FOCAD: variants seen among roughly 807,000 people sequenced by gnomAD.
FOCAD encodes the protein KIAA1797.
In FOCAD, 198 loss-of-function variants were observed where a neutral mutation model predicts 225.6. The ratio of observed to expected loss-of-function variants is 0.88; its 90% CI spans 0.78 to 0.99. FOCAD has a LOEUF of 0.99. FOCAD is among the 50% of genes least tolerant of loss of function. FOCAD has a pLI of 0.00. For synonymous variants in FOCAD, 897 were observed against 755.0 expected, an observed-to-expected ratio of 1.19 and a Z score of -3.08; for missense variants, 2,713 against 2,123.6, an observed-to-expected ratio of 1.28 and a Z score of -5.46.
At position 20,907,113 on chromosome 9, in the gene FOCAD, G is replaced by A. The variant is rs563743337; in HGVS notation, c.2626-37G>A. On this transcript the variant is annotated intron_variant, in intron 21 of 43. Coordinates refer to ENST00000338382, the MANE Select transcript of FOCAD (RefSeq NM_001375567.1). ...TTTAATTTTATTCTTTTTTAATACT[G>A]TGTAGCCTAATATGTTGTGGTACAT... 3 of 1,454,054 alleles carry A rather than the reference G, an allele frequency of 2.1e-6. No individual in the cohort carries two copies. In the South Asian group the frequency reaches 3.4e-5, roughly 17 times the overall value. 90.1% of individuals were successfully genotyped at this position (1,454,054 alleles called of 1,614,324 possible). A position where few individuals can be genotyped will look rare whatever the true frequency, so the allele number is the denominator to read the frequency against.
At chr9:20,947,779 CAGA>C (rs1420004875) in intron 30 of FOCAD, among the ~76,000 whole-genome samples, 1 of 152,060 alleles carries the variant, frequency 6.6e-6, no homozygotes, top group Non-Finnish European at 1.5e-5. Context: ...TGGGTTATTG[CAGA>C]ATTCATTGGT....
intron 3 of FOCAD, among the ~76,000 whole-genome samples, chr9:20,718,576 A>G (rs1238863026): frequency 1.3e-5 from 2 of 152,186 alleles, no homozygotes; most frequent in African/African-American, 2.4e-5. Flanking sequence ...GCTCCAAGTT[A>G]CATTTCTTTA....
intron 43 of FOCAD, among the ~76,000 whole-genome samples, chr9:20,995,006 C>T (rs1198139972): frequency 6.6e-6 from 1 of 151,852 alleles, no homozygotes. Flanking sequence ...AAAGGAAGTA[C>T]ACAGAACTTC....
chr9:20,874,513 C>G, intron 18 of FOCAD, 168 bp from the exon 19 acceptor site: 1 of 616,998 alleles, frequency 1.6e-6, no homozygotes, highest in Non-Finnish European at 2.7e-6. Flanking sequence ...TTTAGTTAAT[C>G]TAAAAAATGA....
intron 24 of FOCAD, among the ~76,000 whole-genome samples, chr9:20,921,094 TA>T (rs1353970062): frequency 5.9e-5 from 9 of 152,064 alleles, no homozygotes; most frequent in Admixed American, 2.0e-4. Flanking sequence ...GCTTCAGGGA[TA>T]GGGGTAAGGG....
chr9:20,911,059 A>G (rs1450963123), intron 22 of FOCAD, among the ~76,000 whole-genome samples: 1 of 152,092 alleles, frequency 6.6e-6, no homozygotes, highest in African/African-American at 2.4e-5. Context: ...CATTATAGGA[A>G]ATGTTTTAGG....
At chr9:20,972,740 C>T (rs1398151117) in intron 35 of FOCAD, among the ~76,000 whole-genome samples, 1 of 152,176 alleles carries the variant, frequency 6.6e-6, no homozygotes, top group Non-Finnish European at 1.5e-5. Flanking sequence ...GCTGATTCCA[C>T]ATAGCTTCTC....
chr9:20,702,170 A>G (rs555108148), intron 1 of FOCAD, among the ~76,000 whole-genome samples: 1 of 152,160 alleles, frequency 6.6e-6, no homozygotes, highest in Non-Finnish European at 1.5e-5. Flanking sequence ...TGGCATGATA[A>G]TAGCTCACTG....
At chr9:20,934,807 T>G (rs1441938150) in intron 28 of FOCAD, among the ~76,000 whole-genome samples, 1 of 152,152 alleles carries the variant, frequency 6.6e-6, no homozygotes, top group East Asian at 1.9e-4. Context: ...TCAGTAGCTC[T>G]TCTATATACC....
At chr9:20,758,871 C>G (rs199883712) in intron 6 of FOCAD, among the ~76,000 whole-genome samples, 1 of 152,118 alleles carries the variant, frequency 6.6e-6, no homozygotes, top group Admixed American at 6.6e-5. Context: ...GAAAACCCCA[C>G]TGACTCAGCC....
upstream of FOCAD, among the ~76,000 whole-genome samples, chr9:20,683,094 G>A (rs762513190): frequency 7.2e-5 from 11 of 152,066 alleles, no homozygotes; most frequent in Non-Finnish European, 1.6e-4. Context: ...ATTCTTAGAG[G>A]GTGAATGCAT....
chr9:20,694,228 T>C (rs1167808779), intron 1 of FOCAD, among the ~76,000 whole-genome samples: 1 of 152,160 alleles, frequency 6.6e-6, no homozygotes, highest in African/African-American at 2.4e-5. Flanking sequence ...GGCAGAAAAT[T>C]TTCAAACCTT....
At chr9:20,878,572 G>T (rs569151661) in intron 19 of FOCAD, among the ~76,000 whole-genome samples, 3 of 152,228 alleles carry the variant, frequency 2.0e-5, no homozygotes, top group Non-Finnish European at 4.4e-5. Context: ...CCACTCTGTT[G>T]TAAGGAATAT....
At chr9:20,980,521 T>C (rs746807780) in intron 37 of FOCAD, among the ~76,000 whole-genome samples, 1 of 152,182 alleles carries the variant, frequency 6.6e-6, no homozygotes, top group African/African-American at 2.4e-5. Flanking sequence ...GTTTGTGAGT[T>C]CATTTTCTTA....
intron 15 of FOCAD, among the ~76,000 whole-genome samples, chr9:20,856,954 T>C (rs1454495414): frequency 6.7e-6 from 1 of 150,144 alleles, no homozygotes; most frequent in Non-Finnish European, 1.5e-5. Flanking sequence ...TATGTGTCTG[T>C]TTTTATGCCA....
At chr9:20,988,200 G>T in intron 40 of FOCAD, 132 bp from the exon 41 acceptor site, 1 of 508,190 alleles carries the variant, frequency 2.0e-6, no homozygotes, top group Non-Finnish European at 3.5e-6. Flanking sequence ...CTCGGGTATT[G>T]CAAGGGAACA....
chr9:20,881,701 C>G (rs1001279664), intron 19 of FOCAD, among the ~76,000 whole-genome samples, 170 bp from the exon 20 acceptor site: 3 of 151,926 alleles, frequency 2.0e-5, no homozygotes, highest in African/African-American at 7.3e-5. Flanking sequence ...GTGCCATGTT[C>G]TAATTTGGAG....
At chr9:20,988,240 T>G in intron 40 of FOCAD, 92 bp from the exon 41 acceptor site, 1 of 681,268 alleles carries the variant, frequency 1.5e-6, no homozygotes, top group Non-Finnish European at 2.5e-6. Flanking sequence ...CCTCACCAGG[T>G]GTTCTGCTTT....
intron 10 of FOCAD, among the ~76,000 whole-genome samples, chr9:20,783,945 C>T (rs190691504): frequency 2.6e-5 from 4 of 152,186 alleles, no homozygotes; most frequent in African/African-American, 9.6e-5. Context: ...AGTTATAAAA[C>T]CTTATAAAAA....
Sources: gnomAD v4.1 joint callset for allele counts (sites outside exome capture counted in the v4.1 genomes callset) on GRCh38, gnomAD v4.1.1 for gene constraint, MANE v1.5 for transcripts, NCBI Gene and HGNC (gene_info 2026-07-23, HGNC 2026-07-21) for gene names.